Variants in HECW1 observed in about 807,000 individuals in gnomAD.
HECW1 encodes the protein E3 ubiquitin-protein ligase HECW1.
HECW1 carries 61 observed loss-of-function variants against 182.3 expected under a neutral mutation model. That is an observed-to-expected ratio of 0.33 (90% CI 0.27 to 0.41). HECW1 has a LOEUF of 0.41. Ranked by LOEUF, HECW1 falls within the 10% of genes least tolerant of loss-of-function variation. The pLI is 1.00. For synonymous variants in HECW1, 859 were observed against 832.6 expected, an observed-to-expected ratio of 1.03 and a Z score of -0.55; for missense variants, 1,739 against 2,108.9, an observed-to-expected ratio of 0.82 and a Z score of 3.44.
At chr7:43,250,352 T>C (rs1476953098) in intron 3 of HECW1, among the ~76,000 whole-genome samples, 2 of 152,126 alleles carry the variant, frequency 1.3e-5, no homozygotes, top group Non-Finnish European at 2.9e-5. Context: ...CATGGACCAG[T>C]CATTCCTTTT....
chr7:43,411,082 G>T (rs1383711152), intron 8 of HECW1, among the ~76,000 whole-genome samples: 1 of 148,554 alleles, frequency 6.7e-6, no homozygotes. Context: ...AAAAGTCTAG[G>T]TCTTGCTTTT....
At chr7:43,242,163 G>A (rs1798951879) in intron 2 of HECW1, among the ~76,000 whole-genome samples, 1 of 152,194 alleles carries the variant, frequency 6.6e-6, no homozygotes, top group South Asian at 2.1e-4. Context: ...TAAAGGAAGT[G>A]TGAAGCCACT....
At chr7:43,405,416 G>T (rs1306492970) in intron 7 of HECW1, among the ~76,000 whole-genome samples, 2 of 152,132 alleles carry the variant, frequency 1.3e-5, no homozygotes, top group Non-Finnish European at 2.9e-5. Context: ...AAGGGAAAAG[G>T]TGCTTAGGGC....
At chr7:43,431,281 G>A (rs10480184) in intron 8 of HECW1, among the ~76,000 whole-genome samples, 124,266 of 152,056 alleles carry the variant, frequency 0.82, 51,473 homozygotes, top group East Asian at 0.99. Context: ...ATCCTTCCAT[G>A]CCCAGGCCTC....
chr7:43,488,428 A>AAG (rs768380245), intron 17 of HECW1, among the ~76,000 whole-genome samples: 18,604 of 107,780 alleles, frequency 0.17, 2,599 homozygotes, highest in Middle Eastern at 0.23. Flanking sequence ...GAGAGAAAGA[A>AAG]AGAAAGAGAA....
At chr7:43,438,370 C>T (rs2076776246) in intron 9 of HECW1, 2 of 371,494 alleles carry the variant, frequency 5.4e-6, no homozygotes, top group Non-Finnish European at 4.8e-6. Context: ...GTTACTTACC[C>T]AAGAGAGTAA....
chr7:43,401,576 T>TTTTTC (rs1554400201), intron 7 of HECW1, among the ~76,000 whole-genome samples: 1 of 131,304 alleles, frequency 7.6e-6, no homozygotes, highest in Admixed American at 7.9e-5. Flanking sequence ...GGTTTTTTTT[T>TTTTTC]TTTTTTTTTT....
chr7:43,360,215 CTT>C (rs5883864), intron 5 of HECW1, among the ~76,000 whole-genome samples: 21 of 141,862 alleles, frequency 1.5e-4, no homozygotes, highest in Admixed American at 1.4e-4. Flanking sequence ...ATAGAACTTT[CTT>C]TTTTTTTTTT....
intron 5 of HECW1, among the ~76,000 whole-genome samples, chr7:43,338,442 C>G (rs951753616): frequency 2.0e-5 from 3 of 152,110 alleles, no homozygotes; most frequent in Non-Finnish European, 4.4e-5. Flanking sequence ...TGTTTAATTA[C>G]TTTCTGCTCT....
At chr7:43,342,067 T>C (rs1424516691) in intron 5 of HECW1, among the ~76,000 whole-genome samples, 2 of 151,896 alleles carry the variant, frequency 1.3e-5, no homozygotes, top group Non-Finnish European at 2.9e-5. Flanking sequence ...GCAGGACAAG[T>C]ATGTATAAAA....
chr7:43,335,629 A>G (rs1228904541), intron 5 of HECW1, among the ~76,000 whole-genome samples: 1 of 152,264 alleles, frequency 6.6e-6, no homozygotes. Context: ...ATAGCAGTCC[A>G]AAATGACTTA....
chr7:43,491,464 A>G (rs980798728), intron 17 of HECW1, among the ~76,000 whole-genome samples: 3 of 152,228 alleles, frequency 2.0e-5, no homozygotes, highest in African/African-American at 4.8e-5. Flanking sequence ...CTAAAGTTCA[A>G]TGCTACCTTG....
In HECW1 at chr7:43,561,885, T is replaced by C. The variant is rs1025896561; in HGVS notation, c.4780T>C (p.Leu1594=). The change falls in exon 30 of 30, where the codon TTA becomes CTA. Residue 1594 remains leucine (L), a synonymous_variant. Transcript: ENST00000395891. ...PSYSMLYEKL[L]TAVEETSTFG... ...GTACTCCATGTTGTATGAAAAGCTG[T>C]TAACAGCAGTAGAGGAAACCAGCAC... 6.2e-7 allele frequency: 1 copy of C among 1,613,940 alleles called. No homozygotes were observed. Among genetic ancestry groups the C allele is most frequent in the Non-Finnish European group, 8.5e-7 (1 of 1,179,806 alleles).
intron 5 of HECW1, among the ~76,000 whole-genome samples, chr7:43,324,694 A>T (rs569848156): frequency 1.3e-5 from 2 of 152,264 alleles, no homozygotes; most frequent in Non-Finnish European, 2.9e-5. Context: ...TTGGTAAATT[A>T]TACTCTCTTA....
intron 8 of HECW1, among the ~76,000 whole-genome samples, chr7:43,423,424 C>T (rs776282019): frequency 2.6e-5 from 4 of 152,120 alleles, no homozygotes; most frequent in Non-Finnish European, 5.9e-5. Context: ...GGAGGTACTG[C>T]CTCTTGTTCT....
intron 3 of HECW1, among the ~76,000 whole-genome samples, chr7:43,303,127 C>A (rs1562805372): frequency 6.6e-6 from 1 of 152,168 alleles, no homozygotes; most frequent in Non-Finnish European, 1.5e-5. Flanking sequence ...TCTGCCCATA[C>A]AAACCACCCA....
At chr7:43,327,811 C>A (rs1407615374) in intron 5 of HECW1, among the ~76,000 whole-genome samples, 1 of 151,924 alleles carries the variant, frequency 6.6e-6, no homozygotes, top group African/African-American at 2.4e-5. Context: ...CATGTGATAT[C>A]ATATATTAGA....
At chr7:43,553,499 C>T (rs2081916131) in intron 28 of HECW1, among the ~76,000 whole-genome samples, 1 of 151,748 alleles carries the variant, frequency 6.6e-6, no homozygotes, top group Admixed American at 6.6e-5. Flanking sequence ...TGAAACCCTG[C>T]CTCTAAAAAA....
At chr7:43,261,418 T>A (rs1434459053) in intron 3 of HECW1, among the ~76,000 whole-genome samples, 1 of 152,190 alleles carries the variant, frequency 6.6e-6, no homozygotes, top group Non-Finnish European at 1.5e-5. Context: ...GGATTTGTTC[T>A]CTTCTATTTG....
Sources: allele counts gnomAD v4.1 joint callset (sites outside exome capture counted in the v4.1 genomes callset), GRCh38; gene constraint gnomAD v4.1.1; transcripts MANE v1.5; gene names NCBI Gene and HGNC (gene_info 2026-07-23, HGNC 2026-07-21).